The following GALNT13 variants were observed in gnomAD, a reference collection of about 807,000 sequenced individuals.
The protein encoded by GALNT13 is UDP-GalNAc:polypeptide N-acetylgalactosaminyltransferase 13.
GALNT13 carries 28 observed loss-of-function variants against 64.2 expected under a neutral mutation model. The ratio of observed to expected loss-of-function variants is 0.44; its 90% CI spans 0.32 to 0.60. The LOEUF (loss-of-function observed/expected upper bound fraction) is 0.60, where lower values mean the gene tolerates loss of function less well. Ranked by LOEUF, GALNT13 falls within the 20% of genes least tolerant of loss-of-function variation. GALNT13 has a pLI of 0.05. For missense variants in GALNT13, 577 were observed against 669.8 expected (o/e 0.86, Z 1.53); for synonymous variants, 214 against 224.6 (o/e 0.95, Z 0.42).
In GALNT13 at chr2:153,967,425, C is replaced by T. The variant is rs567091421; in HGVS notation, c.142+22786C>T. Among the ~76,000 whole-genome samples, 5 of 152,214 alleles carry T rather than the reference C, an allele frequency of 3.3e-5. No individual in the cohort carries two copies. The East Asian group carries it at 5.8e-4, about 18-fold the overall frequency. ...ATTGAGTGTTGTTACCTAAGCTTGT[C>T]GTCACTGCAGCTCTTTCAGCAGTAG... On this transcript the variant is annotated intron_variant, in intron 3 of 12. Transcript: ENST00000392825.
At chr2:153,370,488 C>G in the GALNT13 span, 14 of 152,232 alleles carry the variant, frequency 9.2e-5, no homozygotes, top group Admixed American at 9.2e-4. Context: ...GAGTTTGTCC[C>G]TGGAAGTCAA....
intron 4 of GALNT13, among the ~76,000 whole-genome samples, chr2:154,213,489 ATT>A (rs1441072684): frequency 3.3e-5 from 5 of 152,182 alleles, no homozygotes; most frequent in African/African-American, 1.2e-4. Flanking sequence ...TATAAACCAT[ATT>A]TATGAAGTCA....
chr2:153,117,396 C>T, the GALNT13 span, among the ~76,000 whole-genome samples: 6 of 152,056 alleles, frequency 3.9e-5, no homozygotes, highest in Non-Finnish European at 5.9e-5. Flanking sequence ...CTTTTCCTGT[C>T]AAATATAGAG....
At chr2:154,150,153 G>C (rs1416212052) in intron 4 of GALNT13, among the ~76,000 whole-genome samples, 3 of 152,100 alleles carry the variant, frequency 2.0e-5, no homozygotes, top group Admixed American at 2.0e-4. Context: ...GTTGAATTTT[G>C]TCAAAGGCCT....
At chr2:153,494,957 A>G in the GALNT13 span, among the ~76,000 whole-genome samples, 2 of 152,278 alleles carry the variant, frequency 1.3e-5, no homozygotes, top group Admixed American at 1.3e-4. Context: ...ATGTCCAGTA[A>G]ATACAATGGA....
At chr2:154,276,951 T>A (rs1395761654) in intron 8 of GALNT13, among the ~76,000 whole-genome samples, 1 of 152,186 alleles carries the variant, frequency 6.6e-6, no homozygotes. Flanking sequence ...TTCCCAGCCA[T>A]GCTGAACTGT....
chr2:154,037,035 C>G (rs1243551261), intron 3 of GALNT13, among the ~76,000 whole-genome samples: 1 of 152,014 alleles, frequency 6.6e-6, no homozygotes, highest in Non-Finnish European at 1.5e-5. Flanking sequence ...CAACCATTTT[C>G]TTAACCTTTT....
chr2:153,565,797 C>T, the GALNT13 span, among the ~76,000 whole-genome samples: 4 of 152,012 alleles, frequency 2.6e-5, no homozygotes, highest in Non-Finnish European at 4.4e-5. Context: ...TACACATACC[C>T]CTCATGCATA....
At chr2:154,043,599 A>G (rs1699129392) in intron 3 of GALNT13, among the ~76,000 whole-genome samples, 1 of 151,874 alleles carries the variant, frequency 6.6e-6, no homozygotes, top group Non-Finnish European at 1.5e-5. Context: ...AATTAAAAAC[A>G]AGTTTACAGT....
chr2:153,822,673 G>A, the GALNT13 span, among the ~76,000 whole-genome samples: 1 of 150,830 alleles, frequency 6.6e-6, no homozygotes, highest in Admixed American at 6.6e-5. Flanking sequence ...CTGGAACACT[G>A]AATGGGCAAA....
At chr2:154,152,796 A>T (rs1684130784) in intron 4 of GALNT13, among the ~76,000 whole-genome samples, 1 of 152,116 alleles carries the variant, frequency 6.6e-6, no homozygotes, top group African/African-American at 2.4e-5. Context: ...TCATTTAAGC[A>T]CTTCTCTGTA....
the GALNT13 span, among the ~76,000 whole-genome samples, chr2:153,260,634 C>T: frequency 6.6e-6 from 1 of 152,036 alleles, no homozygotes; most frequent in African/African-American, 2.4e-5. Flanking sequence ...ATTTTTTATC[C>T]TCGACCTTTG....
the GALNT13 span, among the ~76,000 whole-genome samples, chr2:153,769,709 G>A: frequency 5.9e-5 from 9 of 151,920 alleles, no homozygotes; most frequent in Non-Finnish European, 1.3e-4. Flanking sequence ...CTCTCCCTCT[G>A]GAATACATAT....
the GALNT13 span, among the ~76,000 whole-genome samples, chr2:153,308,587 G>T: frequency 1.3e-5 from 2 of 152,132 alleles, no homozygotes; most frequent in Non-Finnish European, 2.9e-5. Context: ...AGGGCTTGAG[G>T]TTTTTGGAAA....
the GALNT13 span, among the ~76,000 whole-genome samples, chr2:153,615,334 A>G: frequency 6.6e-6 from 1 of 152,032 alleles, no homozygotes; most frequent in Non-Finnish European, 1.5e-5. Flanking sequence ...TGCAACAAAC[A>G]TGGGAGTGCA....
At chr2:153,260,513 T>C in the GALNT13 span, among the ~76,000 whole-genome samples, 1 of 152,222 alleles carries the variant, frequency 6.6e-6, no homozygotes, top group Non-Finnish European at 1.5e-5. Context: ...GCATTAAATA[T>C]GTCATGTCAT....
chr2:153,708,908 G>A, the GALNT13 span, among the ~76,000 whole-genome samples: 271 of 152,090 alleles, frequency 1.8e-3, 1 homozygote, highest in African/African-American at 5.4e-3. Flanking sequence ...TCAATAATTG[G>A]TGTGGGAAAA....
intron 3 of GALNT13, among the ~76,000 whole-genome samples, chr2:154,068,922 A>T (rs970842126): frequency 1.3e-5 from 2 of 152,068 alleles, no homozygotes; most frequent in Non-Finnish European, 2.9e-5. Context: ...TGTAATACAA[A>T]GAAAAGATAA....
chr2:153,675,304 C>T, the GALNT13 span, among the ~76,000 whole-genome samples: 1 of 152,194 alleles, frequency 6.6e-6, no homozygotes, highest in African/African-American at 2.4e-5. Context: ...CCCAGATATT[C>T]ATCAATAATA....
Sources: gnomAD v4.1 joint callset for allele counts (sites outside exome capture counted in the v4.1 genomes callset) on GRCh38, gnomAD v4.1.1 for gene constraint, MANE v1.5 for transcripts, NCBI Gene and HGNC (gene_info 2026-07-23, HGNC 2026-07-21) for gene names.